Variants in ZIC3 observed in about 807,000 individuals in gnomAD.
The protein encoded by ZIC3 is zinc finger protein ZIC 3.
ZIC3 carries 6 observed loss-of-function variants against 18.3 expected under a neutral mutation model. The ratio of observed to expected loss-of-function variants is 0.33; its 90% CI spans 0.18 to 0.65. ZIC3 has a LOEUF of 0.65. Ranked by LOEUF, ZIC3 falls within the 30% of genes least tolerant of loss-of-function variation. The pLI, the probability that ZIC3 is intolerant of heterozygous loss-of-function variation, is 0.75. For synonymous variants in ZIC3, 175 were observed against 177.0 expected (o/e 0.99, Z 0.09); for missense variants, 260 against 410.0 (o/e 0.63, Z 3.16).
chrX:137,568,339 G>GATCGATCTATCTATCT (rs1175249301), intron 1 of ZIC3, among the ~76,000 whole-genome samples: 5 of 79,790 alleles, frequency 6.3e-5, no homozygotes, highest in Non-Finnish European at 7.5e-5. Context: ...TGGATCGATC[G>GATCGATCTATCTATCT]ATCTATCTAT....
rs1432392727 is a variant in ZIC3, at chrX:137,567,815, G to C, written c.1060+64G>C. On this transcript the variant is annotated intron_variant, in intron 1 of 2. Coordinates refer to ENST00000287538, the MANE Select transcript of ZIC3 (RefSeq NM_003413.4). ...GATACCCCGTCACGCAGCGGACTTA[G>C]AGCGCGAGGGAGAGAGGTGGCGGCC... 8 of 1,209,589 alleles carry C rather than the reference G, an allele frequency of 6.6e-6. No homozygotes were observed. In the Middle Eastern group the frequency reaches 1.2e-3, roughly 177 times the overall value.
At chrX:137,567,903 C>G in intron 1 of ZIC3, 152 bp downstream of exon 1, 1 of 986,384 alleles carries the variant, frequency 1.0e-6, no homozygotes. Flanking sequence ...TGACCATCCA[C>G]CCCTAGCCCT....
At chrX:137,577,364 A>T in exon 3 of ZIC3, 1 of 383,572 alleles carries the variant, frequency 2.6e-6, no homozygotes. Context: ...GTATAAAAAG[A>T]CTATTTTCTT....
At chrX:137,573,921 A>C (rs1423218052), downstream of ZIC3, 1 of 112,722 alleles carries the variant, frequency 8.9e-6, no homozygotes, top group Non-Finnish European at 1.9e-5. Flanking sequence ...TCCTAGGGTC[A>C]ATTCTCTCGC....
chrX:137,567,270 C>G lies in ZIC3; in HGVS notation c.579C>G (p.Phe193Leu). The G allele has an allele frequency of 8.3e-7, 1 of 1,211,406 alleles. No homozygotes were observed. Among genetic ancestry groups the G allele is most frequent in the African/African-American group, 1.7e-5 (1 of 57,937 alleles). Residue 193 changes from phenylalanine (F) to leucine (L), a missense_variant, in exon 1 of 3, where the codon TTC (phenylalanine) becomes TTG (leucine). Phe to Leu is a conservative substitution (Grantham distance 22). Transcript: ENST00000287538. ...ACCTGGGGCTGCGTGGGGAGCTGTTCGGCCGTGCTGACCCATACCGCCCAG... is the reference window on the plus strand; with the variant it reads ...ACCTGGGGCTGCGTGGGGAGCTGTTGGGCCGTGCTGACCCATACCGCCCAG... ...QVHLGLRGEL[F>L]GRADPYRPVA...
rs777895494 is a variant in ZIC3 at position 137,569,959 on chromosome X, C to A, written c.1293C>A (p.Pro431=). 4 of 1,211,714 alleles carry A rather than the reference C, an allele frequency of 3.3e-6. No individual in the cohort carries two copies. Among genetic ancestry groups the A allele is most frequent in the Non-Finnish European group, 4.5e-6 (4 of 895,428 alleles). Reference sequence around the variant, plus strand: ...CAGGCTATGAATCTTCCACTCCACCCGCTATAGCTTCTGCAAACAGTAAAG... The same window carrying A: ...CAGGCTATGAATCTTCCACTCCACCAGCTATAGCTTCTGCAAACAGTAAAG... ...ASSGYESSTP[P]AIASANSKDT... The change falls in exon 3 of 3, where the codon CCC becomes CCA. Residue 431 remains proline (P), a synonymous_variant. Coordinates refer to ENST00000287538, the MANE Select transcript of ZIC3 (RefSeq NM_003413.4).
In ZIC3 at chrX:137,571,777, G is replaced by C. The variant is rs1214786315; in HGVS notation, c.*1707G>C. ...GTGAAGCAACTCATTTGGACAAACA[G>C]TTCTTTTACAGTGGTTATATGGAAA... On this transcript the variant is annotated 3_prime_UTR_variant, in exon 3 of 3. Transcript: ENST00000287538. 8.9e-6 allele frequency among the ~76,000 whole-genome samples: 1 copy of C among 112,228 alleles called. No individual in the cohort carries two copies. The highest frequency in any genetic ancestry group is 1.9e-5 in the Non-Finnish European group (1 of 53,233).
At chrX:137,568,686 G>GCCCCCCCC in intron 1 of ZIC3, 1 of 90,110 alleles carries the variant, frequency 1.1e-5, no homozygotes, top group Non-Finnish European at 2.0e-5. Context: ...GGCCGGCCCC[G>GCCCCCCCC]CCCCACCCCC....
At chrX:137,568,146 A>T (rs1049421246) in intron 1 of ZIC3, among the ~76,000 whole-genome samples, 1 of 112,686 alleles carries the variant, frequency 8.9e-6, no homozygotes, top group African/African-American at 3.2e-5. Flanking sequence ...GCTAATGAAA[A>T]CTAACTTTCG....
Position 137,568,339 on chromosome X carries a change from G to GATCGATCT in ZIC3, c.1061-560_1061-559insGATCTATC, listed in dbSNP as rs1175249301. 3.0e-3 allele frequency among the ~76,000 whole-genome samples: 240 copies of GATCGATCT among 79,805 alleles called. 1 individual carries two copies. Among genetic ancestry groups the GATCGATCT allele is most frequent in the Non-Finnish European group, 3.4e-3 (135 of 39,836 alleles). The allele number at this position is 79,805 out of a possible 115,157, so 69.3% of individuals were successfully genotyped here. On this transcript the variant is annotated intron_variant, in intron 1 of 2. Transcript: ENST00000287538. ...CTGTCTGGAGCCCCCTGGATCGATCGATCTATCTATCTATCTATCTATCTA... is the reference window on the plus strand; with the variant it reads ...CTGTCTGGAGCCCCCTGGATCGATCGATCGATCTATCTATCTATCTATCTATCTATCTA...
In ZIC3 at chrX:137,571,706, G is replaced by A. The variant is rs1056042768; in HGVS notation, c.*1636G>A. 1 of 112,604 alleles carries A rather than the reference G, an allele frequency of 8.9e-6. No individual in the cohort carries two copies. Among genetic ancestry groups the A allele is most frequent in the Non-Finnish European group, 1.9e-5 (1 of 53,237 alleles). 9.3% of individuals were successfully genotyped at this position (112,604 alleles called of 1,213,427 possible). A position where few individuals can be genotyped will look rare whatever the true frequency, so the allele number is the denominator to read the frequency against. The stretch of plus-strand genomic sequence containing the variant: ...ATTAAAATCAATAACAATGAAAAAC[G>A]GTTGTTTGCTTTGTGATAAAATGTT... On this transcript the variant is annotated 3_prime_UTR_variant, in exon 3 of 3. Coordinates refer to ENST00000287538, the MANE Select transcript of ZIC3 (RefSeq NM_003413.4).
At chrX:137,569,779 A>G in intron 2 of ZIC3, 112 bp from the exon 3 acceptor site, 2 of 726,093 alleles carry the variant, frequency 2.8e-6, no homozygotes, top group South Asian at 5.7e-5. Flanking sequence ...TTTTCTTTTA[A>G]GTGGGTCACT....
chrX:137,569,181 C>T, intron 2 of ZIC3, 116 bp downstream of exon 2: 1 of 895,065 alleles, frequency 1.1e-6, no homozygotes, highest in Non-Finnish European at 1.6e-6. Flanking sequence ...ATCCGATTTG[C>T]TCCAGCAGTG....
downstream of ZIC3, among the ~76,000 whole-genome samples, chrX:137,572,861 C>T (rs1015166967): frequency 2.7e-5 from 3 of 111,228 alleles, no homozygotes; most frequent in South Asian, 3.8e-4. Context: ...CTTGAGGGTC[C>T]TAAGAGGGGA....
chrX:137,566,345 A>C lies in ZIC3; in HGVS notation c.-347A>C. 3.5e-6 allele frequency: 1 copy of C among 287,089 alleles called. No individual in the cohort carries two copies. Among genetic ancestry groups the C allele is most frequent in the Non-Finnish European group, 6.2e-6 (1 of 161,725 alleles). The allele number at this position is 287,089 out of a possible 1,213,427, so 23.7% of individuals were successfully genotyped here. A position where few individuals can be genotyped will look rare whatever the true frequency, so the allele number is the denominator to read the frequency against. On this transcript the variant is annotated 5_prime_UTR_variant, in exon 1 of 3. Coordinates refer to ENST00000287538, the MANE Select transcript of ZIC3 (RefSeq NM_003413.4). ...GGAGAGGAGGGGTGCCCGGGACAGG[A>C]TTGGCAAACTCCGCCCTCCACTTAC...
rs765585606 is a variant in ZIC3 at position 137,569,917 on chromosome X, C to T, written c.1251C>T (p.Ser417=). 1 of 1,210,824 alleles carries T rather than the reference C, an allele frequency of 8.3e-7. No homozygotes were observed. The highest frequency in any genetic ancestry group is 1.8e-5 in the South Asian group (1 of 56,873). Residue 417 remains serine, a synonymous_variant, in exon 3 of 3, where the codon TCC becomes TCT. Transcript: ENST00000287538. ...TTCATGAATCTCAAGGGTCAGATTCCTCCCCTGCTGCCAGTTCAGGCTATG... is the reference window on the plus strand; with the variant it reads ...TTCATGAATCTCAAGGGTCAGATTCTTCCCCTGCTGCCAGTTCAGGCTATG... The part of the protein sequence containing the change: ...MKVHESQGSD[S]SPAASSGYES...
chrX:137,569,156 T>A, intron 2 of ZIC3, 91 bp downstream of exon 2: 1 of 1,038,249 alleles, frequency 9.6e-7, no homozygotes, highest in Non-Finnish European at 1.3e-6. Flanking sequence ...GCCAACCCTC[T>A]GTCTTCCACG....
chrX:137,566,633 C>T lies in ZIC3; in HGVS notation c.-59C>T, dbSNP rs1022026689. 2.9e-5 allele frequency: 34 copies of T among 1,174,573 alleles called. No homozygotes were observed. Among genetic ancestry groups the T allele is most frequent in the Non-Finnish European group, 3.9e-5 (34 of 881,050 alleles). The stretch of plus-strand genomic sequence containing the variant: ...GACTACGGCACTTCGGAGATCTCCT[C>T]CTTCGCCGGTACCCTCTCTCACTTC... On this transcript the variant is annotated 5_prime_UTR_variant, in exon 1 of 3. Coordinates refer to ENST00000287538, the MANE Select transcript of ZIC3 (RefSeq NM_003413.4).
chrX:137,575,544 T>G (rs750182980), downstream of ZIC3, among the ~76,000 whole-genome samples: 63 of 111,173 alleles, frequency 5.7e-4, no homozygotes, highest in African/African-American at 2.0e-3. Flanking sequence ...AAAAAAAATG[T>G]AAGATTTTAA....
Sources: gnomAD v4.1 joint callset for allele counts (sites outside exome capture counted in the v4.1 genomes callset) on GRCh38, gnomAD v4.1.1 for gene constraint, MANE v1.5 for transcripts, NCBI Gene and HGNC (gene_info 2026-07-23, HGNC 2026-07-21) for gene names.